The following MEAF6 variants were observed in gnomAD, a reference collection of about 807,000 sequenced individuals.
MEAF6 encodes chromatin modification-related protein MEAF6.
Under a neutral mutation model 28.9 loss-of-function variants are expected in MEAF6, and 15 were observed. That is an observed-to-expected ratio of 0.52 (90% CI 0.35 to 0.80). MEAF6 has a LOEUF of 0.80. Among genes scored for constraint, MEAF6 ranks in the 30% least tolerant of loss-of-function variants. The probability of loss-of-function intolerance (pLI) is 0.01; values close to 1 mark genes in which losing one functional copy is unlikely to be tolerated. For missense variants in MEAF6, 178 were observed against 237.5 expected (o/e 0.75, Z 1.65); for synonymous variants, 97 against 88.7 (o/e 1.09, Z -0.53).
rs1025457105 is a variant in MEAF6 at position 37,491,398 on chromosome 1, G to C, written c.*2701C>G. On this transcript the variant is annotated 3_prime_UTR_variant, in exon 7 of 7. Transcript: ENST00000296214. Reference sequence around the variant, plus strand: ...TGCATGCCTGTAGTCCCAGCTACTGGGGAGGCTGAGGCAGGAGAATTGCTT... The same window carrying C: ...TGCATGCCTGTAGTCCCAGCTACTGCGGAGGCTGAGGCAGGAGAATTGCTT... Among the ~76,000 whole-genome samples, 1 of 152,150 alleles carries C rather than the reference G, an allele frequency of 6.6e-6. No homozygotes were observed. The highest frequency in any genetic ancestry group is 1.5e-5 in the Non-Finnish European group (1 of 68,036).
chr1:37,491,975 G>A lies in MEAF6; in HGVS notation c.*2124C>T, dbSNP rs1265225834. On this transcript the variant is annotated 3_prime_UTR_variant, in exon 7 of 7. Transcript: ENST00000296214. ...TCGCCCAGGCTGCTGGAGTGCAGTG[G>A]CGCAACAGAGCAGTACTATTCCATC... 2.0e-5 allele frequency among the ~76,000 whole-genome samples: 3 copies of A among 149,250 alleles called. No individual in the cohort carries two copies. The highest frequency in any genetic ancestry group is 4.4e-5 in the Non-Finnish European group (3 of 67,566).
At chr1:37,502,017 G>A (rs576116833) in intron 4 of MEAF6, 21 bp from the exon 5 acceptor site, 1 of 1,579,232 alleles carries the variant, frequency 6.3e-7, no homozygotes, top group East Asian at 2.3e-5. Context: ...TAAAACACAA[G>A]TTTCCAAATG....
At chr1:37,503,000 T>A (rs1569970701) in intron 4 of MEAF6, among the ~76,000 whole-genome samples, 1 of 152,140 alleles carries the variant, frequency 6.6e-6, no homozygotes, top group Non-Finnish European at 1.5e-5. Flanking sequence ...TGGTGTGAAC[T>A]GGTGTGATCA....
At chr1:37,498,123 T>TA (rs1408947429) in intron 5 of MEAF6, among the ~76,000 whole-genome samples, 1 of 152,216 alleles carries the variant, frequency 6.6e-6, no homozygotes, top group African/African-American at 2.4e-5. Context: ...ATTTAGGTGC[T>TA]AAAACAATAT....
chr1:37,499,942 A>T (rs1035592549), intron 5 of MEAF6, among the ~76,000 whole-genome samples: 1 of 152,246 alleles, frequency 6.6e-6, no homozygotes, highest in African/African-American at 2.4e-5. Context: ...AATGGGAAAA[A>T]GTCCCCGAAA....
chr1:37,506,403 TCTTA>T (rs1314644160), intron 4 of MEAF6, among the ~76,000 whole-genome samples: 1 of 152,168 alleles, frequency 6.6e-6, no homozygotes, highest in African/African-American at 2.4e-5. Context: ...TGAGATAGGG[TCTTA>T]CTGTCGCCCA....
chr1:37,508,998 G>A (rs941459569), intron 4 of MEAF6, among the ~76,000 whole-genome samples: 19 of 152,178 alleles, frequency 1.2e-4, no homozygotes, highest in Admixed American at 4.6e-4. Flanking sequence ...TTGGGAGGCC[G>A]AGGCAGGAGG....
intron 4 of MEAF6, among the ~76,000 whole-genome samples, chr1:37,504,383 AT>A: frequency 6.6e-6 from 1 of 152,246 alleles, no homozygotes; most frequent in East Asian, 1.9e-4. Context: ...ATATATACTT[AT>A]TTTTCCTGAA....
chr1:37,496,832 C>G (rs986136918), intron 5 of MEAF6: 3 of 1,298,550 alleles, frequency 2.3e-6, no homozygotes, highest in Non-Finnish European at 3.1e-6. Flanking sequence ...ATTGTAGAAA[C>G]AAAATCAGCT....
chr1:37,502,144 GTTGACAGAGAAGATA>G, intron 4 of MEAF6, 148 bp from the exon 5 acceptor site: 1 of 71,736 alleles, frequency 1.4e-5, no homozygotes, highest in Non-Finnish European at 3.3e-5. Flanking sequence ...GAAGATACAT[GTTGACAGAGAAGATA>G]CATACAAAGG....
chr1:37,496,671 A>AAC, intron 5 of MEAF6: 2 of 1,576,322 alleles, frequency 1.3e-6, no homozygotes, highest in Non-Finnish European at 8.7e-7. Flanking sequence ...TCTACACACT[A>AAC]AACACAGCAC....
Position 37,493,885 on chromosome 1 carries a change from T to C in MEAF6, c.*214A>G. The C allele has an allele frequency of 6.4e-7, 1 of 1,569,806 alleles. No homozygotes were observed. Among genetic ancestry groups the C allele is most frequent in the Non-Finnish European group, 8.6e-7 (1 of 1,159,576 alleles). On this transcript the variant is annotated 3_prime_UTR_variant, in exon 7 of 7. Coordinates refer to ENST00000296214, the MANE Select transcript of MEAF6 (RefSeq NM_001270875.3). ...CATTGTCTTCATCTTCCTGCAGTTCTGTTACTAAAAATGACATAAAGTAAG... is the reference window on the plus strand; with the variant it reads ...CATTGTCTTCATCTTCCTGCAGTTCCGTTACTAAAAATGACATAAAGTAAG...
chr1:37,513,726 G>C (rs1642740841), intron 1 of MEAF6, 188 bp from the exon 2 acceptor site: 3 of 600,324 alleles, frequency 5.0e-6, no homozygotes, highest in Non-Finnish European at 8.9e-6. Flanking sequence ...CTTTGGGGGT[G>C]ATGGACCCCT....
intron 2 of MEAF6, among the ~76,000 whole-genome samples, chr1:37,511,995 C>T (rs1474008891): frequency 1.3e-5 from 2 of 152,130 alleles, no homozygotes; most frequent in African/African-American, 2.4e-5. Context: ...GAAGAAATGG[C>T]CCTATACTCA....
At chr1:37,505,486 T>C (rs1642451830) in intron 4 of MEAF6, among the ~76,000 whole-genome samples, 1 of 152,250 alleles carries the variant, frequency 6.6e-6, no homozygotes, top group Non-Finnish European at 1.5e-5. Flanking sequence ...GAGATTTTTT[T>C]GTGATTTTTT....
rs1299961080 is a variant in MEAF6 at position 37,491,577 on chromosome 1, T to C, written c.*2522A>G. On this transcript the variant is annotated 3_prime_UTR_variant, in exon 7 of 7. Transcript: ENST00000296214. Reference sequence around the variant, plus strand: ...AGCTGGGAATGGTGGCATGCACCTATAGTCCCAGGTACTAGTAAGGCTGAA... The same window carrying C: ...AGCTGGGAATGGTGGCATGCACCTACAGTCCCAGGTACTAGTAAGGCTGAA... Among the ~76,000 whole-genome samples the C allele has an allele frequency of 6.6e-6, 1 of 152,148 alleles. No homozygotes were observed. Among genetic ancestry groups the C allele is most frequent in the Admixed American group, 6.5e-5 (1 of 15,274 alleles).
intron 2 of MEAF6, among the ~76,000 whole-genome samples, chr1:37,513,000 G>C (rs1281140028): frequency 6.6e-6 from 1 of 152,032 alleles, no homozygotes; most frequent in African/African-American, 2.4e-5. Flanking sequence ...GACCAGCCAG[G>C]CCAACATGGA....
intron 5 of MEAF6, chr1:37,496,858 A>G: frequency 1.9e-6 from 2 of 1,044,726 alleles, no homozygotes; most frequent in Non-Finnish European, 2.6e-6. Flanking sequence ...AATCTTAAGC[A>G]ACAAAGTATC....
At chr1:37,499,265 G>A (rs1642219581) in intron 5 of MEAF6, among the ~76,000 whole-genome samples, 1 of 152,170 alleles carries the variant, frequency 6.6e-6, no homozygotes, top group Non-Finnish European at 1.5e-5. Context: ...CTGGCACACA[G>A]TAAGTACTCA....
Sources: gnomAD v4.1 joint callset for allele counts (sites outside exome capture counted in the v4.1 genomes callset) on GRCh38, gnomAD v4.1.1 for gene constraint, MANE v1.5 for transcripts, NCBI Gene and HGNC (gene_info 2026-07-23, HGNC 2026-07-21) for gene names.